TMEM63C: variants seen among roughly 807,000 people sequenced by gnomAD.
TMEM63C encodes osmosensitive cation channel TMEM63C.
Under a neutral mutation model 99.2 loss-of-function variants are expected in TMEM63C, and 32 were observed. The ratio of observed to expected loss-of-function variants is 0.32; its 90% CI spans 0.24 to 0.43. TMEM63C has a LOEUF of 0.43. Ranked by LOEUF, TMEM63C falls within the 20% of genes least tolerant of loss-of-function variation. The pLI, the probability that TMEM63C is intolerant of heterozygous loss-of-function variation, is 1.00. For missense variants in TMEM63C, 826 were observed against 1,053.0 expected, an observed-to-expected ratio of 0.78 and a Z score of 2.98; for synonymous variants, 376 against 397.9, an observed-to-expected ratio of 0.94 and a Z score of 0.66.
chr14:77,211,618 G>C (rs1288922655), intron 1 of TMEM63C, among the ~76,000 whole-genome samples: 1 of 152,238 alleles, frequency 6.6e-6, no homozygotes, highest in Non-Finnish European at 1.5e-5. Context: ...TAGGGCAGCA[G>C]TGGATAAAAC....
At chr14:77,226,709 G>A (rs926800925) in intron 6 of TMEM63C, among the ~76,000 whole-genome samples, 2 of 151,846 alleles carry the variant, frequency 1.3e-5, no homozygotes, top group African/African-American at 2.4e-5. Flanking sequence ...TAGAAGCAAG[G>A]TTTCATGGTA....
chr14:77,244,243 C>A, intron 15 of TMEM63C, 106 bp from the exon 16 acceptor site: 1 of 878,504 alleles, frequency 1.1e-6, no homozygotes, highest in South Asian at 1.5e-5. Flanking sequence ...CTTGCAGCCT[C>A]CAGGAGAGCA....
rs912632902 is a variant in TMEM63C at position 77,259,391 on chromosome 14, G to A, written c.*2665G>A. On this transcript the variant is annotated 3_prime_UTR_variant, in exon 24 of 24. Transcript: ENST00000298351. The stretch of plus-strand genomic sequence containing the variant: ...GGGGCCCCCGGTCGGGGGGGAGGGG[G>A]TGTGGGCTAACCTTGGCCACCACCA... 6.5e-6 allele frequency: 1 copy of A among 152,766 alleles called. No individual in the cohort carries two copies. The highest frequency in any genetic ancestry group is 2.4e-5 in the African/African-American group (1 of 41,464). The allele number at this position is 152,766 out of a possible 1,614,324, so 9.5% of individuals were successfully genotyped here.
At chr14:77,203,747 G>C (rs1888345366) in intron 1 of TMEM63C, among the ~76,000 whole-genome samples, 1 of 152,258 alleles carries the variant, frequency 6.6e-6, no homozygotes, top group South Asian at 2.1e-4. Flanking sequence ...GTAATAAATT[G>C]TCAACAGCTG....
chr14:77,182,839 G>C (rs940474246), intron 1 of TMEM63C, among the ~76,000 whole-genome samples: 2 of 152,150 alleles, frequency 1.3e-5, no homozygotes, highest in African/African-American at 4.8e-5. Flanking sequence ...AAGAATGAGA[G>C]TTGGCTTTGA....
At chr14:77,192,185 T>C (rs1228591140) in intron 1 of TMEM63C, among the ~76,000 whole-genome samples, 1 of 152,232 alleles carries the variant, frequency 6.6e-6, no homozygotes, top group Non-Finnish European at 1.5e-5. Context: ...AGCCTTTACA[T>C]CTAAGGTTCA....
rs1190192112 is a variant in TMEM63C at position 77,257,773 on chromosome 14, A to G, written c.*1047A>G. 6.6e-6 allele frequency: 1 copy of G among 152,296 alleles called. No homozygotes were observed. Among genetic ancestry groups the G allele is most frequent in the Admixed American group, 6.5e-5 (1 of 15,274 alleles). 9.4% of individuals were successfully genotyped at this position (152,296 alleles called of 1,614,324 possible). On this transcript the variant is annotated 3_prime_UTR_variant, in exon 24 of 24. Coordinates refer to ENST00000298351, the MANE Select transcript of TMEM63C (RefSeq NM_020431.4). ...AAGGACTGACCATCACCTGCGTCCC[A>G]AGTAGGACCCTTCCTCCCTTCTCGG...
At chr14:77,188,313 C>T (rs1174491252) in intron 1 of TMEM63C, among the ~76,000 whole-genome samples, 4 of 152,168 alleles carry the variant, frequency 2.6e-5, no homozygotes, top group Non-Finnish European at 5.9e-5. Context: ...ACACACAGGT[C>T]CTCCAGTAGT....
chr14:77,199,545 G>A (rs998191734), intron 1 of TMEM63C, among the ~76,000 whole-genome samples: 1 of 152,038 alleles, frequency 6.6e-6, no homozygotes, highest in African/African-American at 2.4e-5. Context: ...GACTATCCTT[G>A]TTCCCACTGG....
At chr14:77,248,682 T>TCAG in intron 19 of TMEM63C, 85 bp from the exon 20 acceptor site, 1 of 1,501,382 alleles carries the variant, frequency 6.7e-7, no homozygotes, top group Non-Finnish European at 9.3e-7. Context: ...AGGCCTGAGC[T>TCAG]GCCAGGAGGC....
At chr14:77,256,001 T>A (rs189938922) in intron 23 of TMEM63C, among the ~76,000 whole-genome samples, 4 of 152,372 alleles carry the variant, frequency 2.6e-5, no homozygotes. Context: ...TAGTACATCC[T>A]GTGTTTTTCT....
At position 77,231,804 on chromosome 14, in the gene TMEM63C, G is replaced by A. The variant is rs529465721; in HGVS notation, c.493+74G>A. 2.9e-5 allele frequency: 44 copies of A among 1,504,746 alleles called. No individual in the cohort carries two copies. The African/African-American group carries it at 5.3e-4, about 18-fold the overall frequency. 93.2% of individuals were successfully genotyped at this position (1,504,746 alleles called of 1,614,324 possible). The stretch of plus-strand genomic sequence containing the variant: ...AGCCAGGCAAGCCAGTCAGGGCTGG[G>A]GTTGAGGGTCTAGACATCTATTTTA... On this transcript the variant is annotated intron_variant, in intron 7 of 23. Coordinates refer to ENST00000298351, the MANE Select transcript of TMEM63C (RefSeq NM_020431.4).
intron 1 of TMEM63C, among the ~76,000 whole-genome samples, chr14:77,208,469 A>T (rs1208673137): frequency 6.6e-6 from 1 of 152,220 alleles, no homozygotes; most frequent in Non-Finnish European, 1.5e-5. Flanking sequence ...TGTCAGCAGA[A>T]CACGGCCTGA....
chr14:77,187,477 G>A (rs1888022458), intron 1 of TMEM63C, among the ~76,000 whole-genome samples: 1 of 152,224 alleles, frequency 6.6e-6, no homozygotes, highest in South Asian at 2.1e-4. Context: ...GGCAAAGGAA[G>A]GGGACTCGGC....
At chr14:77,255,310 TAAC>T (rs1343564827) in intron 23 of TMEM63C, among the ~76,000 whole-genome samples, 2 of 152,222 alleles carry the variant, frequency 1.3e-5, no homozygotes, top group African/African-American at 2.4e-5. Flanking sequence ...CATTTTTAGT[TAAC>T]AATCTTTTTC....
intron 15 of TMEM63C, among the ~76,000 whole-genome samples, chr14:77,243,755 A>G (rs886351641): frequency 6.6e-6 from 1 of 152,080 alleles, no homozygotes; most frequent in East Asian, 1.9e-4. Context: ...AACAACACAC[A>G]TGTGCATGCG....
At chr14:77,219,440 G>A in intron 3 of TMEM63C, 58 bp from the exon 4 acceptor site, 1 of 1,585,880 alleles carries the variant, frequency 6.3e-7, no homozygotes, top group Non-Finnish European at 8.7e-7. Flanking sequence ...CAGGGGGCCA[G>A]CCAAGGGGAA....
In TMEM63C at chr14:77,225,299, T is replaced by A. The variant is rs181415602; in HGVS notation, c.313-125T>A. 1.0e-3 allele frequency: 682 copies of A among 682,852 alleles called. 2 individuals are homozygous for A. In the African/African-American group the frequency reaches 0.012, roughly 12 times the overall value. The allele number at this position is 682,852 out of a possible 1,614,324, so 42.3% of individuals were successfully genotyped here. On this transcript the variant is annotated intron_variant, in intron 5 of 23. Coordinates refer to ENST00000298351, the MANE Select transcript of TMEM63C (RefSeq NM_020431.4). ...CCCAGCTGAGCCTTCAGACTCTTTT[T>A]CCCAGGAAGGAGGCCCCGGACGCTG...
rs570296171 is a variant in TMEM63C at position 77,230,678 on chromosome 14, T to C, written c.351-910T>C. 3.9e-5 allele frequency among the ~76,000 whole-genome samples: 6 copies of C among 152,254 alleles called. No homozygotes were observed. The South Asian group carries it at 1.2e-3, about 32-fold the overall frequency. ...CTGCTCCTTATGAGACTCTAACTAA[T>C]GCCTGATGATCTGAGGTAGAACAGT... On this transcript the variant is annotated intron_variant, in intron 6 of 23. Transcript: ENST00000298351.
Sources: gnomAD v4.1 joint callset for allele counts (sites outside exome capture counted in the v4.1 genomes callset) on GRCh38, gnomAD v4.1.1 for gene constraint, MANE v1.5 for transcripts, NCBI Gene and HGNC (gene_info 2026-07-23, HGNC 2026-07-21) for gene names.